RYR2: variants seen among roughly 807,000 people sequenced by gnomAD.
RYR2 encodes the protein cardiac muscle ryanodine receptor-calcium release channel.
A neutral mutation model predicts 601.1 loss-of-function variants in RYR2; 227 were observed. That is an observed-to-expected ratio of 0.38 (90% CI 0.34 to 0.42). The LOEUF is 0.42. RYR2 is among the 10% of genes least tolerant of loss of function. RYR2 has a pLI of 1.00. For synonymous variants in RYR2, 2,223 were observed against 2,175.1 expected (o/e 1.02, Z -0.61); for missense variants, 4,646 against 6,156.5 (o/e 0.75, Z 8.21).
At chr1:237,712,843 A>C (rs953494067) in intron 71 of RYR2, among the ~76,000 whole-genome samples, 1 of 152,172 alleles carries the variant, frequency 6.6e-6, no homozygotes, top group African/African-American at 2.4e-5. Context: ...TTCCTGCTAA[A>C]TGAGAAATAA....
intron 58 of RYR2, among the ~76,000 whole-genome samples, chr1:237,672,265 C>A (rs1029886342): frequency 3.9e-5 from 6 of 152,156 alleles, no homozygotes; most frequent in Admixed American, 2.6e-4. Flanking sequence ...TTATAGACCT[C>A]TTTAAAGCAT....
At chr1:237,352,615 A>G (rs1698954789) in intron 3 of RYR2, among the ~76,000 whole-genome samples, 2 of 152,184 alleles carry the variant, frequency 1.3e-5, no homozygotes, top group African/African-American at 4.8e-5. Flanking sequence ...TTCTAAATGA[A>G]GAAGAGCAAG....
intron 60 of RYR2, among the ~76,000 whole-genome samples, chr1:237,676,607 GTTTAT>G (rs1006071050): frequency 5.9e-5 from 9 of 152,236 alleles, no homozygotes; most frequent in Admixed American, 4.6e-4. Flanking sequence ...TCAATATCGT[GTTTAT>G]TTTAATTTCC....
chr1:237,482,857 G>A (rs372845044), intron 17 of RYR2, among the ~76,000 whole-genome samples: 7 of 152,228 alleles, frequency 4.6e-5, no homozygotes, highest in South Asian at 4.1e-4. Flanking sequence ...ACCCTTGCCA[G>A]CATTTGTTAT....
At position 237,638,983 on chromosome 1, in the gene RYR2, T is replaced by C. The variant is rs1033573073; in HGVS notation, c.6929-32T>C. ...TGTTCAGAACTTCCATATAATCATA[T>C]TTGTTTACTTATCTTCCCCATTCTA... On this transcript the variant is annotated intron_variant, in intron 45 of 104. Transcript: ENST00000366574. The C allele has an allele frequency of 2.5e-6, 4 of 1,606,812 alleles. No homozygotes were observed. The African/African-American group carries it at 5.3e-5, about 21-fold the overall frequency.
chr1:237,388,169 T>A lies in RYR2; in HGVS notation c.759T>A (p.Gly253=). The change falls in exon 10 of 105, where the codon GGT becomes GGA. Residue 253 remains glycine, a synonymous_variant. Coordinates refer to ENST00000366574, the MANE Select transcript of RYR2 (RefSeq NM_001035.3). ...TCACTGTCCCTTCAGGAGAACATGG[T>A]GAAGAGCAGCGGAGGTTAGTACCTG... ...ECLTVPSGEH[G]EEQRRTVHYE... 5 of 1,613,778 alleles carry A rather than the reference T, an allele frequency of 3.1e-6. No homozygotes were observed. The highest frequency in any genetic ancestry group is 4.2e-6 in the Non-Finnish European group (5 of 1,179,812).
At chr1:237,428,608 G>A (rs951492363) in intron 12 of RYR2, among the ~76,000 whole-genome samples, 21 of 145,258 alleles carry the variant, frequency 1.4e-4, no homozygotes, top group Admixed American at 1.4e-3. Flanking sequence ...TGGGGCGGGG[G>A]TGCAAGGGGA....
intron 80 of RYR2, among the ~76,000 whole-genome samples, chr1:237,745,881 C>T (rs1457109513): frequency 2.6e-5 from 4 of 151,492 alleles, no homozygotes; most frequent in Non-Finnish European, 4.4e-5. Context: ...ATGCAGGACA[C>T]CAGATTTGGG....
intron 1 of RYR2, among the ~76,000 whole-genome samples, chr1:237,102,632 G>A (rs6664144): frequency 0.031 from 4,733 of 152,202 alleles, 153 homozygotes; most frequent in Admixed American, 0.094. Context: ...GAGGAGTGTG[G>A]ATCACTTGAG....
intron 1 of RYR2, among the ~76,000 whole-genome samples, chr1:237,057,083 T>A (rs1018084152): frequency 2.0e-5 from 3 of 152,122 alleles, no homozygotes; most frequent in African/African-American, 7.2e-5. Flanking sequence ...GTGAGGCAGA[T>A]TGGAGGCCAC....
At chr1:237,219,011 T>TTTC (rs10661373) in intron 1 of RYR2, among the ~76,000 whole-genome samples, 18 of 36,734 alleles carry the variant, frequency 4.9e-4, no homozygotes, top group Non-Finnish European at 1.0e-3. Flanking sequence ...TTATACTTGA[T>TTTC]TTTTTTTTTT....
At position 237,492,968 on chromosome 1, in the gene RYR2, G is replaced by T. The variant is rs1227994309; in HGVS notation, c.1842G>T (p.Leu614Phe). The T allele has an allele frequency of 1.3e-6, 2 of 1,594,320 alleles. No homozygotes were observed. Among genetic ancestry groups the T allele is most frequent in the Admixed American group, 1.7e-5 (1 of 57,372 alleles). The part of the protein sequence containing the change: ...HGRNHKVLDV[L>F]CSLCVCHGVA... ...TCTCTTTTCAGGTTCTGGATGTCTT[G>T]TGCTCACTCTGTGTTTGCCACGGGG... Residue 614 changes from leucine to phenylalanine, a missense_variant, in exon 19 of 105, where the codon TTG (leucine) becomes TTT (phenylalanine). By Grantham distance (22) the Leu-to-Phe change is conservative. Coordinates refer to ENST00000366574, the MANE Select transcript of RYR2 (RefSeq NM_001035.3).
chr1:237,365,937 C>T (rs767207662), intron 5 of RYR2, among the ~76,000 whole-genome samples: 5 of 152,300 alleles, frequency 3.3e-5, no homozygotes, highest in African/African-American at 9.6e-5. Context: ...CTTTTAACTT[C>T]GAGGCCAGAA....
At chr1:237,348,228 C>A (rs1237497970) in intron 3 of RYR2, among the ~76,000 whole-genome samples, 7 of 152,146 alleles carry the variant, frequency 4.6e-5, no homozygotes, top group Non-Finnish European at 8.8e-5. Context: ...TCAAGCAATC[C>A]TCTCTCAAGT....
intron 1 of RYR2, among the ~76,000 whole-genome samples, chr1:237,118,584 T>C (rs890995322): frequency 2.0e-5 from 3 of 151,732 alleles, no homozygotes; most frequent in Admixed American, 6.6e-5. Flanking sequence ...TAGGGAGTTA[T>C]TGTTTGTTTG....
At chr1:237,060,077 A>G (rs1485229882) in intron 1 of RYR2, among the ~76,000 whole-genome samples, 1 of 152,208 alleles carries the variant, frequency 6.6e-6, no homozygotes, top group Non-Finnish European at 1.5e-5. Context: ...AATCAGTTCT[A>G]CATTTCTCTA....
chr1:237,287,284 G>A (rs1018380500), intron 2 of RYR2, among the ~76,000 whole-genome samples: 1 of 152,152 alleles, frequency 6.6e-6, no homozygotes, highest in African/African-American at 2.4e-5. Context: ...AGGACAATGT[G>A]CTTAGGTGAA....
intron 1 of RYR2, among the ~76,000 whole-genome samples, chr1:237,235,220 T>G (rs1685440930): frequency 6.6e-6 from 1 of 152,250 alleles, no homozygotes; most frequent in East Asian, 1.9e-4. Flanking sequence ...GGTACTTGGC[T>G]GATTTTAGCT....
chr1:237,737,174 T>C (rs2149190686), intron 79 of RYR2, among the ~76,000 whole-genome samples: 1 of 152,346 alleles, frequency 6.6e-6, no homozygotes, highest in African/African-American at 2.4e-5. Context: ...CCATATTGAT[T>C]TTGTTGGATC....
Sources: allele counts gnomAD v4.1 joint callset (sites outside exome capture counted in the v4.1 genomes callset), GRCh38; gene constraint gnomAD v4.1.1; transcripts MANE v1.5; gene names NCBI Gene and HGNC (gene_info 2026-07-23, HGNC 2026-07-21).